The following C9 variants were observed in gnomAD, a reference collection of about 807,000 sequenced individuals.
C9 encodes the protein complement C9, also known as complement component C9.
Under a neutral mutation model 65.4 loss-of-function variants are expected in C9, and 63 were observed. The ratio of observed to expected loss-of-function variants is 0.96; its 90% CI spans 0.79 to 1.19. The LOEUF is 1.19. C9 is among the 50% of genes most tolerant of loss of function. The pLI, the probability that C9 is intolerant of heterozygous loss-of-function variation, is 0.00. For synonymous variants in C9, 229 were observed against 227.9 expected (o/e 1.00, Z -0.04); for missense variants, 744 against 670.1 (o/e 1.11, Z -1.22).
chr5:39,330,477 C>G (rs569433242), intron 5 of C9, among the ~76,000 whole-genome samples: 4 of 152,250 alleles, frequency 2.6e-5, no homozygotes, highest in African/African-American at 9.6e-5. Flanking sequence ...ACAGGAAAAC[C>G]GTAAAATGCA....
At position 39,332,819 on chromosome 5, in the gene C9, T is replaced by A. The variant is rs140104216; in HGVS notation, c.477-1005A>T. Reference sequence around the variant, plus strand: ...TAGTTTACTGTAAACCCATGGCTTATGCAAGAGAAATAATTGAAAGGGTTT... The same window carrying A: ...TAGTTTACTGTAAACCCATGGCTTAAGCAAGAGAAATAATTGAAAGGGTTT... On this transcript the variant is annotated intron_variant, in intron 4 of 10. Transcript: ENST00000263408. Among the ~76,000 whole-genome samples the A allele has an allele frequency of 2.2e-3, 341 of 152,374 alleles. 12 individuals are homozygous for A. The East Asian group carries it at 0.05, about 23-fold the overall frequency.
chr5:39,291,218 T>C (rs1368913713), intron 9 of C9, among the ~76,000 whole-genome samples: 1 of 151,526 alleles, frequency 6.6e-6, no homozygotes, highest in African/African-American at 2.4e-5. Flanking sequence ...GAGACAAGTC[T>C]GAAAATTTTA....
intron 4 of C9, among the ~76,000 whole-genome samples, chr5:39,338,582 G>A (rs1365609789): frequency 1.3e-5 from 2 of 152,196 alleles, no homozygotes; most frequent in Non-Finnish European, 2.9e-5. Context: ...TAGGTTTCAT[G>A]AAGACTAAAT....
chr5:39,343,239 C>G (rs1044627238), intron 1 of C9, among the ~76,000 whole-genome samples: 1 of 152,150 alleles, frequency 6.6e-6, no homozygotes, highest in Admixed American at 6.5e-5. Flanking sequence ...CATCGCCTCA[C>G]CCGGGAAGTG....
intron 5 of C9, among the ~76,000 whole-genome samples, chr5:39,319,670 G>A (rs560092549): frequency 1.4e-4 from 21 of 152,136 alleles, no homozygotes; most frequent in South Asian, 4.1e-4. Flanking sequence ...AAAATCAGGC[G>A]CGAGACCAGG....
intron 6 of C9, among the ~76,000 whole-genome samples, chr5:39,313,022 C>A (rs888837495): frequency 6.6e-6 from 1 of 152,084 alleles, no homozygotes; most frequent in African/African-American, 2.4e-5. Context: ...TTTGCTAAAA[C>A]TGGGAGGTAT....
intron 4 of C9, among the ~76,000 whole-genome samples, chr5:39,333,761 A>G (rs13355976): frequency 0.029 from 4,440 of 151,602 alleles, 200 homozygotes; most frequent in African/African-American, 0.099. Flanking sequence ...GCAGGCGCGC[A>G]CCGCCACGCC....
chr5:39,359,249 G>A (rs1020961272), intron 1 of C9, among the ~76,000 whole-genome samples: 3 of 151,274 alleles, frequency 2.0e-5, no homozygotes, highest in Admixed American at 6.6e-5. Context: ...GGGTAGAGAC[G>A]AGTACAGAAA....
At chr5:39,354,780 T>C (rs1376323667) in intron 1 of C9, among the ~76,000 whole-genome samples, 1 of 152,238 alleles carries the variant, frequency 6.6e-6, no homozygotes, top group Non-Finnish European at 1.5e-5. Context: ...ACCCCCTGCA[T>C]AGCTAATAAT....
At chr5:39,355,536 T>C (rs1754400221) in intron 1 of C9, among the ~76,000 whole-genome samples, 4 of 152,252 alleles carry the variant, frequency 2.6e-5, no homozygotes, top group South Asian at 4.1e-4. Context: ...TTATCTTTTA[T>C]TGCTCTCCCG....
chr5:39,318,177 A>G (rs1753604638), intron 5 of C9, among the ~76,000 whole-genome samples: 1 of 151,958 alleles, frequency 6.6e-6, no homozygotes, highest in Admixed American at 6.6e-5. Context: ...TAGGAATGGT[A>G]GCAATTTTTG....
At chr5:39,301,077 T>TA (rs1381980186) in intron 9 of C9, among the ~76,000 whole-genome samples, 1 of 152,072 alleles carries the variant, frequency 6.6e-6, no homozygotes, top group Non-Finnish European at 1.5e-5. Context: ...ATTCAAACAT[T>TA]AAAAGCACTA....
rs757060107 is a variant in C9 at position 39,315,834 on chromosome 5, G to A, written c.811C>T (p.Arg271Trp). The change falls in exon 6 of 11, where the codon CGG becomes TGG. Residue 271 changes from arginine to tryptophan, a missense_variant. Transcript: ENST00000263408. The stretch of plus-strand genomic sequence containing the variant: ...GTTTCATTTTTGGAATATGAAAACC[G>A]AAAACTACCCTTGCCATGTAAAGAA... ...SISLHGKGSF[R>W]FSYSKNETYQ... The A allele has an allele frequency of 8.1e-6, 13 of 1,610,598 alleles. No homozygotes were observed. Among genetic ancestry groups the A allele is most frequent in the Admixed American group, 1.7e-5 (1 of 59,950 alleles).
intron 5 of C9, among the ~76,000 whole-genome samples, chr5:39,327,091 C>T (rs758746391): frequency 6.6e-6 from 1 of 152,026 alleles, no homozygotes. Flanking sequence ...AAGCATATTG[C>T]ATTTATTTGT....
At chr5:39,334,577 GC>G (rs1244791900) in intron 4 of C9, among the ~76,000 whole-genome samples, 9 of 146,158 alleles carry the variant, frequency 6.2e-5, no homozygotes, top group African/African-American at 1.6e-4. Flanking sequence ...GGGGGGGTCA[GC>G]CCCCCGCCCG....
At chr5:39,315,121 A>C (rs1412220931) in intron 6 of C9, among the ~76,000 whole-genome samples, 4 of 152,210 alleles carry the variant, frequency 2.6e-5, no homozygotes, top group Non-Finnish European at 5.9e-5. Flanking sequence ...TCATATAAGT[A>C]CTAAGAGTGA....
chr5:39,298,488 G>C (rs1753227645), intron 9 of C9, among the ~76,000 whole-genome samples: 1 of 151,666 alleles, frequency 6.6e-6, no homozygotes, highest in Admixed American at 6.6e-5. Context: ...TATCACTATA[G>C]AATCTACAGA....
chr5:39,302,647 G>A (rs1170171686), intron 9 of C9, among the ~76,000 whole-genome samples: 2 of 152,074 alleles, frequency 1.3e-5, no homozygotes, highest in Non-Finnish European at 1.5e-5. Flanking sequence ...AACTAATACA[G>A]CTTAACATAT....
At chr5:39,334,145 G>T (rs976442427) in intron 4 of C9, among the ~76,000 whole-genome samples, 7 of 150,188 alleles carry the variant, frequency 4.7e-5, no homozygotes, top group African/African-American at 9.9e-5. Flanking sequence ...CTGCCCGGCC[G>T]CCATCCCACC....
Sources: allele counts gnomAD v4.1 joint callset (sites outside exome capture counted in the v4.1 genomes callset), GRCh38; gene constraint gnomAD v4.1.1; transcripts MANE v1.5; gene names NCBI Gene and HGNC (gene_info 2026-07-23, HGNC 2026-07-21).